The following PLK5 variants were observed in gnomAD, a reference collection of about 807,000 sequenced individuals.
The protein encoded by PLK5 is polo like kinase 5 (inactive).
PLK5 carries 28 observed loss-of-function variants against 33.7 expected under a neutral mutation model. The observed-to-expected ratio is 0.83, with a 90% CI of 0.62 to 1.14. The LOEUF is 1.14. PLK5 is among the 50% of genes most tolerant of loss of function. The pLI is 0.00. For missense variants in PLK5, 492 were observed against 461.5 expected (o/e 1.07, Z -0.61); for synonymous variants, 225 against 202.2 (o/e 1.11, Z -0.96).
chr19:1,529,330 G>A (rs1913854129), intron 9 of PLK5, 76 bp from the exon 10 acceptor site: 13 of 1,322,504 alleles, frequency 9.8e-6, no homozygotes, highest in Non-Finnish European at 1.4e-5. Context: ...GCAGGGGCCA[G>A]AGCCTGCCAC....
At position 1,533,915 on chromosome 19, in the gene PLK5, C is replaced by A. The variant is rs957489567; in HGVS notation, c.715-16C>A. The stretch of plus-strand genomic sequence containing the variant: ...CGCCCCCTGCGTCACGTGACCTCAG[C>A]CGAGTCTGTCCACAGGAGGGGACCC... On this transcript the variant is annotated splice_polypyrimidine_tract_variant and intron_variant, in intron 12 of 13. Coordinates refer to ENST00000454744, the MANE Select transcript of PLK5 (RefSeq NM_001243079.2). 193 of 1,524,082 alleles carry A rather than the reference C, an allele frequency of 1.3e-4. No individual in the cohort carries two copies. The highest frequency in any genetic ancestry group is 1.6e-4 in the Non-Finnish European group (182 of 1,138,234). The allele number at this position is 1,524,082 out of a possible 1,614,324, so 94.4% of individuals were successfully genotyped here.
chr19:1,534,020 G>A lies in PLK5; in HGVS notation c.804G>A (p.Leu268=). 1 of 1,535,692 alleles carries A rather than the reference G, an allele frequency of 6.5e-7. No individual in the cohort carries two copies. The highest frequency in any genetic ancestry group is 1.7e-4 in the Middle Eastern group (1 of 5,818). The change falls in exon 13 of 14, where the codon CTG becomes CTA. Residue 268 remains leucine (L), a synonymous_variant. Coordinates refer to ENST00000454744, the MANE Select transcript of PLK5 (RefSeq NM_001243079.2). ...FLASEHALLL[L]FSNGMVQVSF... is the part of the protein sequence containing the mutation. ...CCTCTGAGCACGCCCTGCTGCTGCT[G>A]TTCAGCAATGGGATGGTGCAGGTGA...
rs1350739746 is a variant in PLK5, at chr19:1,528,113, G to T, written c.180G>T (p.Leu60=). The T allele has an allele frequency of 2.6e-6, 4 of 1,535,574 alleles. No individual in the cohort carries two copies. The highest frequency in any genetic ancestry group is 2.0e-5 in the Admixed American group (1 of 50,954). Residue 60 remains leucine (L), a synonymous_variant, in exon 7 of 14, where the codon CTG becomes CTT. Transcript: ENST00000454744. ...AGCGGCCCAGCCTGGACCACCTGCT[G>T]CAGGACGACTTCTTCACACAGGTGG... ...PAERPSLDHL[L]QDDFFTQGFT... is the part of the protein sequence containing the mutation.
chr19:1,532,121 G>T (rs959894118), intron 12 of PLK5, among the ~76,000 whole-genome samples: 28 of 152,276 alleles, frequency 1.8e-4, no homozygotes, highest in African/African-American at 6.5e-4. Flanking sequence ...AGGGGAAGGG[G>T]TCTCTGAGAA....
At position 1,528,052 on chromosome 19, in the gene PLK5, G is replaced by A. The variant is rs943611813; in HGVS notation, c.119G>A (p.Arg40His). Residue 40 changes from arginine (R) to histidine (H), a missense_variant, in exon 7 of 14, where the codon CGC (arginine) becomes CAC (histidine). Coordinates refer to ENST00000454744, the MANE Select transcript of PLK5 (RefSeq NM_001243079.2). Reference sequence around the variant, plus strand: ...GCTCACCTGTCTGCCAATGCGCGCCGCCTCATCGTGCACCTCCTAGCACCC... The same window carrying A: ...GCTCACCTGTCTGCCAATGCGCGCCACCTCATCGTGCACCTCCTAGCACCC... The part of the protein sequence containing the change: ...EPAHLSANAR[R>H]LIVHLLAPNP... The A allele has an allele frequency of 1.8e-5, 27 of 1,536,082 alleles. No individual in the cohort carries two copies. The highest frequency in any genetic ancestry group is 7.8e-5 in the Admixed American group (4 of 50,996).
chr19:1,534,966 G>C (rs535642441), intron 13 of PLK5, 99 bp from the exon 14 acceptor site: 1 of 1,153,180 alleles, frequency 8.7e-7, no homozygotes, highest in African/African-American at 1.6e-5. Flanking sequence ...CAGACTGGGG[G>C]CTCTGGGTCC....
chr19:1,527,557 G>A (rs1363212281), intron 6 of PLK5, among the ~76,000 whole-genome samples: 2 of 151,968 alleles, frequency 1.3e-5, no homozygotes, highest in East Asian at 3.9e-4. Context: ...AGCTGTGATT[G>A]CACAACGGCA....
At chr19:1,529,907 T>C (rs1207204416) in intron 11 of PLK5, 83 bp downstream of exon 11, 3 of 1,370,968 alleles carry the variant, frequency 2.2e-6, no homozygotes. Flanking sequence ...TGGGCCCTCC[T>C]GGGTATTTCT....
intron 8 of PLK5, 74 bp from the exon 9 acceptor site, chr19:1,528,824 G>C: frequency 8.9e-7 from 1 of 1,123,846 alleles, no homozygotes; most frequent in Non-Finnish European, 1.2e-6. Flanking sequence ...GGGTGGGTGT[G>C]GGTGGCAGGT....
At position 1,528,104 on chromosome 19, in the gene PLK5, C is replaced by G; in HGVS notation, c.171C>G (p.Asp57Glu). ...APNPAERPSL[D>E]HLLQDDFFTQ... ...ACCCGGCCGAGCGGCCCAGCCTGGA[C>G]CACCTGCTGCAGGACGACTTCTTCA... Residue 57 changes from aspartate to glutamate, a missense_variant, in exon 7 of 14, where the codon GAC (aspartate) becomes GAG (glutamate). By Grantham distance (45) the Asp-to-Glu change is conservative. Coordinates refer to ENST00000454744, the MANE Select transcript of PLK5 (RefSeq NM_001243079.2). The G allele has an allele frequency of 6.5e-7, 1 of 1,535,826 alleles. No homozygotes were observed. Among genetic ancestry groups the G allele is most frequent in the Non-Finnish European group, 8.7e-7 (1 of 1,146,728 alleles).
chr19:1,531,398 ACT>A (rs1270848174), intron 11 of PLK5, among the ~76,000 whole-genome samples: 2 of 144,924 alleles, frequency 1.4e-5, no homozygotes, highest in Non-Finnish European at 3.0e-5. Context: ...ACAGAGCAAG[ACT>A]CTGTCTCAAA....
intron 13 of PLK5, 98 bp downstream of exon 13, chr19:1,534,139 A>T: frequency 1.2e-6 from 1 of 802,822 alleles, no homozygotes; most frequent in Non-Finnish European, 1.9e-6. Flanking sequence ...AGCCTTAGGA[A>T]GCATTTGCCT....
At position 1,535,163 on chromosome 19, in the gene PLK5, C is replaced by A. The variant is rs1171967797; in HGVS notation, c.924C>A (p.Tyr308Ter). Residue 308 changes from tyrosine to a stop codon, truncating the protein, a stop_gained, in exon 14 of 14, where the codon TAC (tyrosine) becomes TAA (stop). Coordinates refer to ENST00000454744, the MANE Select transcript of PLK5 (RefSeq NM_001243079.2). LOFTEE classifies it low-confidence loss of function (END_TRUNC). ...LWEQGSPGTSYSLDVPRSHGC... is the reference protein window; with the variant it reads ...LWEQGSPGTS ...AGCAGGGGTCCCCTGGCACCTCCTA[C>A]TCCCTGGACGTCCCGCGGAGCCACG... 8 of 1,535,464 alleles carry A rather than the reference C, an allele frequency of 5.2e-6. No individual in the cohort carries two copies. In the African/African-American group the frequency reaches 6.9e-5, roughly 13 times the overall value.
chr19:1,529,415 T>TCTGCGAAAGAGGTTCCCTGC lies in PLK5; in HGVS notation c.419_438dup (p.Glu147ArgfsTer47), dbSNP rs1913857575. ...GCTGCTCCCACCTCAGAGCTCCCTG[T>TCTGCGAAAGAGGTTCCCTGC]CTGCGAAAGAGGTTCCCTGCCTGGA... is the stretch of plus-strand genomic sequence containing the variant. On this transcript the variant is annotated frameshift_variant, in exon 10 of 14. Transcript: ENST00000454744. LOFTEE classifies it high-confidence loss of function. 2.0e-6 allele frequency: 3 copies of TCTGCGAAAGAGGTTCCCTGC among 1,535,874 alleles called. No individual in the cohort carries two copies. The highest frequency in any genetic ancestry group is 2.6e-6 in the Non-Finnish European group (3 of 1,146,824).
chr19:1,527,065 T>A, intron 6 of PLK5, 67 bp downstream of exon 6: 2 of 1,152,318 alleles, frequency 1.7e-6, no homozygotes, highest in Non-Finnish European at 2.4e-6. Context: ...GGGGGGAGCC[T>A]GCACGGAACA....
rs540939099 is a variant in PLK5 at position 1,528,899 on chromosome 19, C to T, written c.330C>T (p.Cys110=). 5.2e-5 allele frequency: 78 copies of T among 1,507,562 alleles called. No individual in the cohort carries two copies. The East Asian group carries it at 1.9e-3, about 38-fold the overall frequency. The allele number at this position is 1,507,562 out of a possible 1,614,324, so 93.4% of individuals were successfully genotyped here. A position where few individuals can be genotyped will look rare whatever the true frequency, so the allele number is the denominator to read the frequency against. ...TCCAAGGCCTTGTGCCTCCCTCAGG[C>T]CCCTTCACGCCTAAAGAGGCCTCGG... The part of the protein sequence containing the change: ...QRLLTQCRPP[C]PFTPKEASGP... Residue 110 remains cysteine, a splice_region_variant and synonymous_variant, in exon 9 of 14, where the codon TGC becomes TGT. Transcript: ENST00000454744.
intron 13 of PLK5, among the ~76,000 whole-genome samples, chr19:1,534,540 T>C (rs1281242907): frequency 8.5e-6 from 1 of 118,310 alleles, no homozygotes; most frequent in Non-Finnish European, 1.7e-5. Flanking sequence ...GCACGGTGGC[T>C]CACGCCTGTA....
chr19:1,524,358 G>C lies in PLK5; in HGVS notation c.-544+112G>C, dbSNP rs1199575335. 6 of 151,948 alleles carry C rather than the reference G, an allele frequency of 3.9e-5. No individual in the cohort carries two copies. Among genetic ancestry groups the C allele is most frequent in the African/African-American group, 9.7e-5 (4 of 41,408 alleles). The allele number at this position is 151,948 out of a possible 1,614,324, so 9.4% of individuals were successfully genotyped here. A position where few individuals can be genotyped will look rare whatever the true frequency, so the allele number is the denominator to read the frequency against. On this transcript the variant is annotated intron_variant, in intron 1 of 13. Coordinates refer to ENST00000454744, the MANE Select transcript of PLK5 (RefSeq NM_001243079.2). The surrounding 1 kb of genome is among the most constrained non-coding windows in gnomAD (Gnocchi z 4.5). ...ACGCGGCGCGTCCCTGCGAGCGCGG[G>C]GTCTGGAGCGGGCGCGCGTCCGGAG...
intron 12 of PLK5, 127 bp downstream of exon 12, chr19:1,532,010 A>T: frequency 1.9e-6 from 2 of 1,077,338 alleles, no homozygotes; most frequent in South Asian, 4.1e-5. Flanking sequence ...GTCGGGGAGA[A>T]CAACACTAAA....
Sources: allele counts gnomAD v4.1 joint callset (sites outside exome capture counted in the v4.1 genomes callset), GRCh38; gene constraint gnomAD v4.1.1; non-coding constraint Gnocchi (gnomAD v3.1); transcripts MANE v1.5; gene names NCBI Gene and HGNC (gene_info 2026-07-23, HGNC 2026-07-21).